Variants in AFG2A observed in about 807,000 individuals in gnomAD.
AFG2A encodes AAA ATPase AFG2A.
At chr4:123,169,532 C>T in the AFG2A span, among the ~76,000 whole-genome samples, 1 of 152,168 alleles carries the variant, frequency 6.6e-6, no homozygotes, top group Non-Finnish European at 1.5e-5. Context: ...AGGCAGAGTG[C>T]AGTGGCATGA....
the AFG2A span, among the ~76,000 whole-genome samples, chr4:123,148,778 T>C: frequency 1.3e-5 from 2 of 151,314 alleles, no homozygotes; most frequent in African/African-American, 4.9e-5. Flanking sequence ...TATTTTTTTT[T>C]TTTTTTTTGA....
chr4:123,121,261 T>TAA, the AFG2A span, among the ~76,000 whole-genome samples: 4 of 86,046 alleles, frequency 4.6e-5, no homozygotes, highest in African/African-American at 7.1e-5. Flanking sequence ...AAAAAAAAAA[T>TAA]AATAAATAAA....
chr4:123,240,275 C>G, the AFG2A span, among the ~76,000 whole-genome samples: 1 of 152,186 alleles, frequency 6.6e-6, no homozygotes, highest in Non-Finnish European at 1.5e-5. Flanking sequence ...CTGCACCAAG[C>G]AGACTTAATA....
chr4:123,077,605 A>G, the AFG2A span, among the ~76,000 whole-genome samples: 1 of 152,170 alleles, frequency 6.6e-6, no homozygotes, highest in Non-Finnish European at 1.5e-5. Flanking sequence ...GGTGATGCAT[A>G]TGGGCCATAT....
chr4:123,225,636 A>C, the AFG2A span, among the ~76,000 whole-genome samples: 1 of 152,198 alleles, frequency 6.6e-6, no homozygotes, highest in Non-Finnish European at 1.5e-5. Flanking sequence ...GTTTGAAGTC[A>C]GGTAGCATGA....
the AFG2A span, among the ~76,000 whole-genome samples, chr4:123,136,416 C>T: frequency 6.6e-6 from 1 of 152,008 alleles, no homozygotes; most frequent in Non-Finnish European, 1.5e-5. Context: ...CCCCTATAAT[C>T]CCAGCACTTT....
the AFG2A span, among the ~76,000 whole-genome samples, chr4:123,273,014 CAAAG>C: frequency 6.6e-6 from 1 of 151,978 alleles, no homozygotes; most frequent in Non-Finnish European, 1.5e-5. Context: ...GTCATGGACA[CAAAG>C]AAAGGTTTTG....
At chr4:122,933,284 A>G in the AFG2A span, among the ~76,000 whole-genome samples, 32 of 152,314 alleles carry the variant, frequency 2.1e-4, no homozygotes, top group African/African-American at 7.5e-4. Flanking sequence ...AATGCCCATC[A>G]TTTCAAAATT....
the AFG2A span, among the ~76,000 whole-genome samples, chr4:123,028,744 T>C: frequency 1.3e-5 from 2 of 152,212 alleles, no homozygotes; most frequent in Non-Finnish European, 2.9e-5. Flanking sequence ...AACATGACAG[T>C]GAATTCAATA....
At chr4:122,936,850 A>T in the AFG2A span, among the ~76,000 whole-genome samples, 1 of 152,044 alleles carries the variant, frequency 6.6e-6, no homozygotes, top group African/African-American at 2.4e-5. Flanking sequence ...TGTGGTGGCA[A>T]GTGCTTGTAA....
At chr4:123,107,968 C>T in the AFG2A span, among the ~76,000 whole-genome samples, 2 of 152,210 alleles carry the variant, frequency 1.3e-5, no homozygotes, top group Non-Finnish European at 2.9e-5. Flanking sequence ...GAGGGCTTCC[C>T]AGGCCCCCAA....
the AFG2A span, among the ~76,000 whole-genome samples, chr4:122,999,938 G>A: frequency 3.3e-5 from 5 of 152,152 alleles, no homozygotes; most frequent in African/African-American, 1.2e-4. Flanking sequence ...TCCTACCCAT[G>A]AGCATGGAAT....
chr4:123,198,968 G>T, the AFG2A span, among the ~76,000 whole-genome samples: 5 of 152,106 alleles, frequency 3.3e-5, no homozygotes, highest in Non-Finnish European at 7.4e-5. Context: ...ATTAATACTG[G>T]CAGACTTGAG....
At chr4:123,180,056 C>T in the AFG2A span, among the ~76,000 whole-genome samples, 343 of 152,040 alleles carry the variant, frequency 2.3e-3, 2 homozygotes, top group Non-Finnish European at 3.8e-3. Context: ...CTCATCTTTA[C>T]TGAAAATACA....
At chr4:123,142,594 C>T in the AFG2A span, among the ~76,000 whole-genome samples, 5 of 151,994 alleles carry the variant, frequency 3.3e-5, no homozygotes, top group African/African-American at 4.8e-5. Context: ...ACTTGAGATA[C>T]GTTAACTTTG....
At chr4:123,218,634 AACACATAT>A in the AFG2A span, among the ~76,000 whole-genome samples, 1 of 135,704 alleles carries the variant, frequency 7.4e-6, no homozygotes. Context: ...GTTTTACATA[AACACATAT>A]ACATACATAC....
At chr4:123,168,276 C>T in the AFG2A span, among the ~76,000 whole-genome samples, 1 of 152,144 alleles carries the variant, frequency 6.6e-6, no homozygotes, top group Non-Finnish European at 1.5e-5. Flanking sequence ...TTACCCCTAA[C>T]CCCAAAAGCT....
the AFG2A span, among the ~76,000 whole-genome samples, chr4:122,961,869 C>T: frequency 1.2e-4 from 19 of 152,184 alleles, no homozygotes; most frequent in Admixed American, 2.0e-4. Flanking sequence ...TGTCATAGAG[C>T]AACAGTAGTA....
chr4:123,188,575 C>T, the AFG2A span, among the ~76,000 whole-genome samples: 1 of 152,174 alleles, frequency 6.6e-6, no homozygotes, highest in African/African-American at 2.4e-5. Context: ...TAGTGTGGAA[C>T]TACATTATTG....
Sources: gnomAD v4.1 joint callset for allele counts (sites outside exome capture counted in the v4.1 genomes callset) on GRCh38, gnomAD v4.1.1 for gene constraint, MANE v1.5 for transcripts, NCBI Gene and HGNC (gene_info 2026-07-23, HGNC 2026-07-21) for gene names.